The following MAPKAP1 variants were observed in gnomAD, a reference collection of about 807,000 sequenced individuals.
MAPKAP1 encodes target of rapamycin complex 2 subunit MAPKAP1.
MAPKAP1 carries 20 observed loss-of-function variants against 65.7 expected under a neutral mutation model. That is an observed-to-expected ratio of 0.30 (90% CI 0.21 to 0.44). The LOEUF (loss-of-function observed/expected upper bound fraction) is 0.44, where lower values mean the gene tolerates loss of function less well. MAPKAP1 is among the 20% of genes least tolerant of loss of function. The pLI, the probability that MAPKAP1 is intolerant of heterozygous loss-of-function variation, is 1.00. For missense variants in MAPKAP1, 423 were observed against 648.0 expected, an observed-to-expected ratio of 0.65 and a Z score of 3.77; for synonymous variants, 222 against 244.3, an observed-to-expected ratio of 0.91 and a Z score of 0.85.
chr9:125,483,202 T>G (rs1007911266), intron 9 of MAPKAP1, among the ~76,000 whole-genome samples: 6 of 152,164 alleles, frequency 3.9e-5, no homozygotes, highest in African/African-American at 1.2e-4. Context: ...TTGGTACTAC[T>G]GATATTCCCA....
At chr9:125,441,597 C>T (rs572288639) in intron 11 of MAPKAP1, among the ~76,000 whole-genome samples, 3 of 152,292 alleles carry the variant, frequency 2.0e-5, no homozygotes, top group African/African-American at 7.2e-5. Flanking sequence ...TATTTCCTCC[C>T]TTCAATTTCC....
At chr9:125,503,063 C>G (rs921238825) in intron 8 of MAPKAP1, among the ~76,000 whole-genome samples, 1 of 152,100 alleles carries the variant, frequency 6.6e-6, no homozygotes, top group African/African-American at 2.4e-5. Flanking sequence ...ATGGCTACAC[C>G]AGATTTCAGT....
intron 1 of MAPKAP1, among the ~76,000 whole-genome samples, chr9:125,684,444 G>GA (rs1221851340): frequency 6.6e-6 from 1 of 152,132 alleles, no homozygotes; most frequent in Admixed American, 6.5e-5. Context: ...TGCCAAGCTT[G>GA]AAAAACCCCA....
In MAPKAP1 at chr9:125,687,528, G is replaced by A. The variant is rs182797810; in HGVS notation, c.-69-14885C>T. 1.1e-3 allele frequency among the ~76,000 whole-genome samples: 169 copies of A among 151,770 alleles called. 1 individual carries two copies. The highest frequency in any genetic ancestry group is 1.8e-3 in the Non-Finnish European group (124 of 67,964). On this transcript the variant is annotated intron_variant, in intron 1 of 11. Coordinates refer to ENST00000265960, the MANE Select transcript of MAPKAP1 (RefSeq NM_001006617.3). ...CAGTAGCTCATGCCTATAAATCCCAGCATTTTGAGAGGCAGAGACAGAAGA... is the reference window on the plus strand; with the variant it reads ...CAGTAGCTCATGCCTATAAATCCCAACATTTTGAGAGGCAGAGACAGAAGA...
At chr9:125,492,765 C>A (rs1353506695) in intron 8 of MAPKAP1, among the ~76,000 whole-genome samples, 1 of 152,216 alleles carries the variant, frequency 6.6e-6, no homozygotes, top group Non-Finnish European at 1.5e-5. Context: ...AGTGTCTCTT[C>A]TCTAAAAAGA....
intron 3 of MAPKAP1, among the ~76,000 whole-genome samples, chr9:125,665,192 T>C (rs1387098685): frequency 1.3e-5 from 2 of 151,934 alleles, no homozygotes; most frequent in Non-Finnish European, 2.9e-5. Flanking sequence ...CCTGTAATCC[T>C]AGCCACTAGG....
intron 1 of MAPKAP1, among the ~76,000 whole-genome samples, chr9:125,679,806 A>T (rs1834767290): frequency 6.6e-6 from 1 of 152,182 alleles, no homozygotes; most frequent in Non-Finnish European, 1.5e-5. Flanking sequence ...CCCTTCCTGG[A>T]CTTTCTCAAA....
chr9:125,514,216 T>C (rs967874069), intron 7 of MAPKAP1, among the ~76,000 whole-genome samples: 3 of 152,136 alleles, frequency 2.0e-5, no homozygotes, highest in African/African-American at 7.2e-5. Flanking sequence ...TTCAGATGTT[T>C]CCACCTCAGG....
intron 1 of MAPKAP1, among the ~76,000 whole-genome samples, chr9:125,693,470 T>C (rs984316260): frequency 1.5e-4 from 23 of 148,704 alleles, no homozygotes; most frequent in African/African-American, 4.7e-4. Flanking sequence ...CATGTATATA[T>C]ACACACACAT....
chr9:125,700,445 G>C (rs945309045), intron 1 of MAPKAP1, among the ~76,000 whole-genome samples: 1 of 152,066 alleles, frequency 6.6e-6, no homozygotes, highest in Non-Finnish European at 1.5e-5. Flanking sequence ...CTTATATTTA[G>C]GCATAAATGT....
intron 4 of MAPKAP1, among the ~76,000 whole-genome samples, chr9:125,590,199 T>C (rs969178292): frequency 1.3e-5 from 2 of 152,226 alleles, no homozygotes; most frequent in Non-Finnish European, 2.9e-5. Flanking sequence ...ATGTCCTTCA[T>C]AAACTGTAAG....
chr9:125,471,084 C>T (rs1261451578), intron 9 of MAPKAP1: 1 of 152,220 alleles, frequency 6.6e-6, no homozygotes, highest in Non-Finnish European at 1.5e-5. Context: ...TAATCTTACC[C>T]TCTTAACACT....
At chr9:125,495,400 GA>G (rs1470545710) in intron 8 of MAPKAP1, among the ~76,000 whole-genome samples, 3 of 152,142 alleles carry the variant, frequency 2.0e-5, no homozygotes, top group Admixed American at 6.5e-5. Flanking sequence ...CCCTCACTTA[GA>G]GCCCAGACAG....
Position 125,468,056 on chromosome 9 carries a change from T to C in MAPKAP1, c.1261A>G (p.Thr421Ala). 6.2e-6 allele frequency: 10 copies of C among 1,614,206 alleles called. No homozygotes were observed. The highest frequency in any genetic ancestry group is 8.5e-6 in the Non-Finnish European group (10 of 1,180,018). Residue 421 changes from threonine (T) to alanine (A), a missense_variant, in exon 10 of 12, where the codon ACT becomes GCT. Physicochemically the swap from Thr to Ala is moderately conservative, Grantham distance 58 (BLOSUM62 0). Transcript: ENST00000265960. ...GGTTTCTGCTTAATCCAAAACTTAG[T>C]GCTGGCTTTCTGATTCGTAACAGGG... is the stretch of plus-strand genomic sequence containing the variant. Reference protein sequence around the residue: ...IDPVTNQKASTKFWIKQKPIS... With the variant: ...IDPVTNQKASAKFWIKQKPIS...
rs1211632255 is a variant in MAPKAP1 at position 125,698,289 on chromosome 9, ATATATATATATATATATATAT to A, written c.-70+8661_-70+8681del. Among the ~76,000 whole-genome samples, 342 of 77,806 alleles carry A rather than the reference ATATATATATATATATATATAT, an allele frequency of 4.4e-3. 13 individuals carry two copies. The South Asian group carries it at 0.054, about 12-fold the overall frequency. 51.0% of individuals were successfully genotyped at this position (77,806 alleles called of 152,430 possible). The stretch of plus-strand genomic sequence containing the variant: ...TATATATAATACATAATATATATAA[ATATATATATATATATATATAT>A]ATATATATATATATATATATATATA... On this transcript the variant is annotated intron_variant, in intron 1 of 11. Transcript: ENST00000265960.
chr9:125,611,738 G>T (rs1259526005), intron 4 of MAPKAP1, among the ~76,000 whole-genome samples: 2 of 152,138 alleles, frequency 1.3e-5, no homozygotes, highest in African/African-American at 4.8e-5. Flanking sequence ...ATGACAAATG[G>T]TTCAATTCAC....
At chr9:125,459,698 G>A (rs1052470689) in intron 10 of MAPKAP1, among the ~76,000 whole-genome samples, 2 of 152,210 alleles carry the variant, frequency 1.3e-5, no homozygotes, top group African/African-American at 2.4e-5. Context: ...GCCTGCAATC[G>A]CAGGCACTCG....
intron 11 of MAPKAP1, among the ~76,000 whole-genome samples, chr9:125,440,671 G>A (rs944870008): frequency 6.6e-6 from 1 of 152,200 alleles, no homozygotes; most frequent in African/African-American, 2.4e-5. Flanking sequence ...CTGCTGGTTG[G>A]AGCAGCAGGC....
Position 125,622,795 on chromosome 9 carries a change from GCTCTCCCCTCTCCC to G in MAPKAP1, c.498+34842_498+34855del, listed in dbSNP as rs138362788. 3.6e-3 allele frequency among the ~76,000 whole-genome samples: 538 copies of G among 149,678 alleles called. 3 individuals carry two copies. The highest frequency in any genetic ancestry group is 4.9e-3 in the South Asian group (23 of 4,730). ...CTAAAAATTAAAAAGCAAGGGAGAG[GCTCTCCCCTCTCCC>G]CTCTCCCCTCTCCCCTCTCCGTCTC... On this transcript the variant is annotated intron_variant, in intron 4 of 11. Transcript: ENST00000265960.
Sources: allele counts gnomAD v4.1 joint callset (sites outside exome capture counted in the v4.1 genomes callset), GRCh38; gene constraint gnomAD v4.1.1; transcripts MANE v1.5; gene names NCBI Gene and HGNC (gene_info 2026-07-23, HGNC 2026-07-21).